The following PCDHGB2 variants were observed in gnomAD, a reference collection of about 807,000 sequenced individuals.
PCDHGB2 encodes the protein protocadherin gamma-B2.
A neutral mutation model predicts 59.3 loss-of-function variants in PCDHGB2; 55 were observed. The ratio of observed to expected loss-of-function variants is 0.93; its 90% CI spans 0.75 to 1.16. The LOEUF is 1.16. Among genes scored for constraint, PCDHGB2 ranks in the 50% most tolerant of loss-of-function variants. The pLI is 0.00. For synonymous variants in PCDHGB2, 516 were observed against 512.0 expected (o/e 1.01, Z -0.11); for missense variants, 1,228 against 1,198.5 (o/e 1.02, Z -0.36).
At position 141,404,906 on chromosome 5, in the gene PCDHGB2, C is replaced by A. The variant is rs776779922; in HGVS notation, c.2421+42350C>A. 1 of 1,613,864 alleles carries A rather than the reference C, an allele frequency of 6.2e-7. No homozygotes were observed. The highest frequency in any genetic ancestry group is 8.5e-7 in the Non-Finnish European group (1 of 1,179,858). ...GGTGGCTGTACAGGACCATGGCCAGCCCCCTCTCTCGGCCACTGTCACGCT... is the reference window on the plus strand; with the variant it reads ...GGTGGCTGTACAGGACCATGGCCAGACCCCTCTCTCGGCCACTGTCACGCT... On this transcript the variant is annotated intron_variant, in intron 1 of 3. Transcript: ENST00000522605.
intron 1 of PCDHGB2, among the ~76,000 whole-genome samples, chr5:141,456,778 C>T (rs568292085): frequency 3.7e-4 from 57 of 152,242 alleles, no homozygotes; most frequent in African/African-American, 1.3e-3. Flanking sequence ...GCCTGGCCTA[C>T]ATGGCAAAAC....
At chr5:141,413,102 G>A in intron 1 of PCDHGB2, 1 of 1,480,778 alleles carries the variant, frequency 6.8e-7, no homozygotes, top group Non-Finnish European at 9.1e-7. Context: ...TGAAGCCACA[G>A]AAAGACAAAG....
intron 1 of PCDHGB2, chr5:141,383,127 C>T (rs1778840587): frequency 3.7e-6 from 6 of 1,614,054 alleles, no homozygotes; most frequent in Non-Finnish European, 4.2e-6. Flanking sequence ...AGCTTTTCGC[C>T]CTGAACCAGC....
intron 1 of PCDHGB2, chr5:141,389,201 C>T: frequency 1.2e-6 from 2 of 1,614,034 alleles, no homozygotes; most frequent in Non-Finnish European, 1.7e-6. Flanking sequence ...TCACCCTGCA[C>T]ATTGGTGATG....
intron 1 of PCDHGB2, among the ~76,000 whole-genome samples, chr5:141,473,542 G>A (rs1444751260): frequency 6.6e-6 from 1 of 152,176 alleles, no homozygotes; most frequent in Non-Finnish European, 1.5e-5. Flanking sequence ...GGGGCCTAAT[G>A]GAAGACCTCT....
intron 1 of PCDHGB2, chr5:141,364,769 G>C (rs755884627): frequency 6.2e-7 from 1 of 1,614,012 alleles, no homozygotes; most frequent in South Asian, 1.1e-5. Flanking sequence ...TGAAAATGCG[G>C]CTGCAGGGAC....
chr5:141,382,956 C>G (rs373364562), intron 1 of PCDHGB2: 1 of 1,606,182 alleles, frequency 6.2e-7, no homozygotes, highest in Non-Finnish European at 8.5e-7. Flanking sequence ...TCTCCATCCT[C>G]CTGGGGACCC....
intron 2 of PCDHGB2, 57 bp downstream of exon 2, chr5:141,494,922 C>G: frequency 6.2e-7 from 1 of 1,613,670 alleles, no homozygotes; most frequent in Admixed American, 1.7e-5. Context: ...TCAGGGATGA[C>G]GTGGGAGGAG....
intron 1 of PCDHGB2, among the ~76,000 whole-genome samples, chr5:141,402,517 G>A (rs2094277430): frequency 6.6e-6 from 1 of 152,024 alleles, no homozygotes; most frequent in African/African-American, 2.4e-5. Context: ...ATTAAGCAAT[G>A]GTTTGTGATT....
At chr5:141,415,754 T>TTTG (rs2095935149) in intron 1 of PCDHGB2, 3 of 1,385,710 alleles carry the variant, frequency 2.2e-6, no homozygotes, top group African/African-American at 1.5e-5. Context: ...TTTTTTTTTT[T>TTTG]TTTTTTTTTT....
chr5:141,484,024 A>G (rs769415978), intron 1 of PCDHGB2, among the ~76,000 whole-genome samples: 14 of 150,914 alleles, frequency 9.3e-5, no homozygotes, highest in Non-Finnish European at 1.6e-4. Flanking sequence ...GTGGGGTGAG[A>G]TCAAGTCTCC....
rs762792613 is a variant in PCDHGB2, at chr5:141,361,617, C to T, written c.1482C>T (p.Ser494=). 1.9e-6 allele frequency: 3 copies of T among 1,613,984 alleles called. No homozygotes were observed. Among genetic ancestry groups the T allele is most frequent in the South Asian group, 1.1e-5 (1 of 91,086 alleles). ...AAGTTTCCTACTCCATCGTAGCGAG[C>T]GACCTGAAGCCGCGGGAGATTTTAT... is the stretch of plus-strand genomic sequence containing the variant. ...SGQVSYSIVA[S]DLKPREILSY... Residue 494 remains serine (S), a synonymous_variant, in exon 1 of 4, where the codon AGC becomes AGT. Coordinates refer to ENST00000522605, the MANE Select transcript of PCDHGB2 (RefSeq NM_018923.3).
At position 141,485,698 on chromosome 5, in the gene PCDHGB2, T is replaced by C. The variant is rs1175015922; in HGVS notation, c.2422-9109T>C. ...TTAGCAGCTATAGGCTGAGCTCCAA[T>C]GAACACTTTGCACTGGATGTGAAGA... On this transcript the variant is annotated intron_variant, in intron 1 of 3. Transcript: ENST00000522605. This position sits in a 1 kb window ranked among gnomAD's most constrained non-coding sequence, Gnocchi z 5.7. 6.2e-7 allele frequency: 1 copy of C among 1,613,994 alleles called. No homozygotes were observed. The highest frequency in any genetic ancestry group is 8.5e-7 in the Non-Finnish European group (1 of 1,180,002).
In PCDHGB2 at chr5:141,372,016, C is replaced by T. The variant is rs565981965; in HGVS notation, c.2421+9460C>T. 121 of 1,613,374 alleles carry T rather than the reference C, an allele frequency of 7.5e-5. 1 individual carries two copies. The South Asian group carries it at 1.3e-3, about 17-fold the overall frequency. On this transcript the variant is annotated intron_variant, in intron 1 of 3. Coordinates refer to ENST00000522605, the MANE Select transcript of PCDHGB2 (RefSeq NM_018923.3). Reference sequence around the variant, plus strand: ...CAGGCCCGCGACCAGGGCTCGCCTACGCTCAGCGCCAACGTGAGCCTGCGC... The same window carrying T: ...CAGGCCCGCGACCAGGGCTCGCCTATGCTCAGCGCCAACGTGAGCCTGCGC...
chr5:141,421,239 G>T (rs773410079), intron 1 of PCDHGB2: 5 of 1,599,000 alleles, frequency 3.1e-6, no homozygotes, highest in Middle Eastern at 3.3e-4. Flanking sequence ...TGGCGAATCG[G>T]CTACAGCGCG....
chr5:141,417,965 T>C lies in PCDHGB2; in HGVS notation c.2421+55409T>C. On this transcript the variant is annotated intron_variant, in intron 1 of 3. Coordinates refer to ENST00000522605, the MANE Select transcript of PCDHGB2 (RefSeq NM_018923.3). ...CACGCTGTGTGAGCCGATCCGCTAC[T>C]CGATTCCGGAGGAGCTGGCCAAGGG... 3 of 1,613,654 alleles carry C rather than the reference T, an allele frequency of 1.9e-6. No homozygotes were observed. In the South Asian group the frequency reaches 3.3e-5, roughly 18 times the overall value.
At chr5:141,378,443 A>C (rs1022226439) in intron 1 of PCDHGB2, 2 of 152,300 alleles carry the variant, frequency 1.3e-5, no homozygotes, top group Non-Finnish European at 2.9e-5. Context: ...GAATCGCTTG[A>C]ACCCATGAGG....
intron 1 of PCDHGB2, chr5:141,413,431 G>T (rs963192857): frequency 1.9e-6 from 3 of 1,614,092 alleles, no homozygotes; most frequent in Non-Finnish European, 2.5e-6. Context: ...CCCGCGCAGC[G>T]GCAGCTTGAT....
At chr5:141,410,117 C>T (rs768592770) in intron 1 of PCDHGB2, 6 of 1,612,766 alleles carry the variant, frequency 3.7e-6, no homozygotes, top group Admixed American at 3.3e-5. Context: ...GGACGCAGCC[C>T]GCCAGCGCCT....
Sources: gnomAD v4.1 joint callset for allele counts (sites outside exome capture counted in the v4.1 genomes callset) on GRCh38, gnomAD v4.1.1 for gene constraint, Gnocchi (gnomAD v3.1) non-coding constraint, MANE v1.5 for transcripts, NCBI Gene and HGNC (gene_info 2026-07-23, HGNC 2026-07-21) for gene names.